The following GTF3C4 variants were observed in gnomAD, a reference collection of about 807,000 sequenced individuals.
GTF3C4 encodes general transcription factor IIIC subunit 4, also known as general transcription factor 3C polypeptide 4.
A neutral mutation model predicts 67.5 loss-of-function variants in GTF3C4; 28 were observed. That is an observed-to-expected ratio of 0.41 (90% CI 0.31 to 0.57). The LOEUF (loss-of-function observed/expected upper bound fraction) is 0.57, where lower values mean the gene tolerates loss of function less well. Among genes scored for constraint, GTF3C4 ranks in the 20% least tolerant of loss-of-function variants. The probability of loss-of-function intolerance (pLI) is 0.21; values close to 1 mark genes in which losing one functional copy is unlikely to be tolerated. For missense variants in GTF3C4, 831 were observed against 1,033.2 expected, an observed-to-expected ratio of 0.80 and a Z score of 2.68; for synonymous variants, 409 against 393.0, an observed-to-expected ratio of 1.04 and a Z score of -0.48.
intron 1 of GTF3C4, among the ~76,000 whole-genome samples, chr9:132,671,385 T>C (rs1464486874): frequency 4.6e-5 from 7 of 152,224 alleles, no homozygotes; most frequent in Non-Finnish European, 8.8e-5. Context: ...CTTTGTCTAC[T>C]GTGTGTGTCC....
At chr9:132,671,740 A>G (rs1028539451) in intron 1 of GTF3C4, among the ~76,000 whole-genome samples, 1 of 152,128 alleles carries the variant, frequency 6.6e-6, no homozygotes, top group Admixed American at 6.5e-5. Flanking sequence ...CATACATTCA[A>G]TAGATATTTG....
Position 132,690,405 on chromosome 9 carries a change from C to G in GTF3C4, c.*1460C>G, listed in dbSNP as rs1836097337. On this transcript the variant is annotated 3_prime_UTR_variant, in exon 5 of 5. Coordinates refer to ENST00000372146, the MANE Select transcript of GTF3C4 (RefSeq NM_012204.4). Reference sequence around the variant, plus strand: ...GCTGCAGTCAGCCGAGGTGGCACCACTGCACTTCAGCCTGGGCAAGACTGG... The same window carrying G: ...GCTGCAGTCAGCCGAGGTGGCACCAGTGCACTTCAGCCTGGGCAAGACTGG... 1.3e-5 allele frequency: 2 copies of G among 152,134 alleles called. No individual in the cohort carries two copies. Among genetic ancestry groups the G allele is most frequent in the African/African-American group, 4.8e-5 (2 of 41,410 alleles). The allele number at this position is 152,134 out of a possible 1,614,324, so 9.4% of individuals were successfully genotyped here.
intron 2 of GTF3C4, among the ~76,000 whole-genome samples, chr9:132,681,039 C>T (rs374284286): frequency 1.1e-4 from 16 of 152,050 alleles, no homozygotes; most frequent in South Asian, 4.1e-4. Flanking sequence ...ACCTGGGAGG[C>T]GAAAGTTGCA....
chr9:132,683,813 G>A, intron 3 of GTF3C4, 120 bp downstream of exon 3: 2 of 946,308 alleles, frequency 2.1e-6, no homozygotes, highest in Non-Finnish European at 3.1e-6. Flanking sequence ...CAATTTGTTG[G>A]AGAAAAGCTG....
chr9:132,680,688 C>T (rs1835926699), intron 2 of GTF3C4, among the ~76,000 whole-genome samples: 1 of 152,228 alleles, frequency 6.6e-6, no homozygotes, highest in Admixed American at 6.5e-5. Context: ...GTTGCACTTT[C>T]TTGTTGGAAA....
In GTF3C4 at chr9:132,673,156, C is replaced by G. The variant is rs538404487; in HGVS notation, c.357+2201C>G. Among the ~76,000 whole-genome samples the G allele has an allele frequency of 3.3e-5, 5 of 152,120 alleles. No individual in the cohort carries two copies. In the South Asian group the frequency reaches 8.3e-4, roughly 25 times the overall value. On this transcript the variant is annotated intron_variant, in intron 1 of 4. Transcript: ENST00000372146. ...CAAGATTGCGCCACTGTACTCCAGC[C>G]TGGGCGACAGAGCCAGACTCCGTCT...
Position 132,679,136 on chromosome 9 carries a change from A to G in GTF3C4, c.1517A>G (p.Lys506Arg). ...ATCAACGGCCTCCACCCTGTTAACA[A>G]AAACTACCAGGTCCAATTTGTTACT... is the stretch of plus-strand genomic sequence containing the variant. ...GMINGLHPVN[K>R]NYQVQFVTLK... Residue 506 changes from lysine (K) to arginine (R), a missense_variant, in exon 2 of 5, where the codon AAA becomes AGA. Lys to Arg is a conservative substitution (Grantham distance 26). Coordinates refer to ENST00000372146, the MANE Select transcript of GTF3C4 (RefSeq NM_012204.4). This position sits in a 1 kb window ranked among gnomAD's most constrained non-coding sequence, Gnocchi z 5.9. 2 of 1,614,182 alleles carry G rather than the reference A, an allele frequency of 1.2e-6. No homozygotes were observed. The highest frequency in any genetic ancestry group is 2.2e-5 in the South Asian group (2 of 91,074).
intron 1 of GTF3C4, among the ~76,000 whole-genome samples, chr9:132,673,129 G>C (rs552251380): frequency 6.6e-6 from 1 of 152,280 alleles, no homozygotes; most frequent in East Asian, 1.9e-4. Context: ...CTTGCTATGA[G>C]CCAAGATTGC....
At chr9:132,676,731 T>G (rs1835870098) in intron 1 of GTF3C4, among the ~76,000 whole-genome samples, 1 of 152,190 alleles carries the variant, frequency 6.6e-6, no homozygotes, top group African/African-American at 2.4e-5. Context: ...GTCTTCCAAG[T>G]GCTTTCTGTG....
At chr9:132,672,840 CAT>C (rs1222127569) in intron 1 of GTF3C4, among the ~76,000 whole-genome samples, 1 of 152,178 alleles carries the variant, frequency 6.6e-6, no homozygotes, top group Non-Finnish European at 1.5e-5. Context: ...ATTAAACACA[CAT>C]AATCACTTGG....
chr9:132,683,622 T>A lies in GTF3C4; in HGVS notation c.2244T>A (p.Ser748Arg). Reference protein sequence around the residue: ...MNKQTFPEHCSLCKEILPFTD... With the variant: ...MNKQTFPEHCRLCKEILPFTD... ...AACAGACTTTCCCTGAGCACTGTAG[T>A]TTGTGTAAAGAGATCTTGCCATTCA... The change falls in exon 3 of 5, where the codon AGT becomes AGA. Residue 748 changes from serine (S) to arginine (R), a missense_variant. By Grantham distance (110) the Ser-to-Arg change is moderately radical. This residue lies in a region of GTF3C4 where 129 missense variants were observed against 213.8 expected (regional missense o/e 0.60). Transcript: ENST00000372146. The A allele has an allele frequency of 6.2e-7, 1 of 1,613,584 alleles. No individual in the cohort carries two copies. Among genetic ancestry groups the A allele is most frequent in the Non-Finnish European group, 8.5e-7 (1 of 1,179,740 alleles).
intron 3 of GTF3C4, among the ~76,000 whole-genome samples, chr9:132,685,544 G>A (rs1836013873): frequency 6.7e-6 from 1 of 149,448 alleles, no homozygotes; most frequent in Non-Finnish European, 1.5e-5. Flanking sequence ...GGGGAGATGA[G>A]GTCTCACTAT....
chr9:132,670,186 T>G, upstream of GTF3C4: 1 of 1,588,710 alleles, frequency 6.3e-7, no homozygotes, highest in Non-Finnish European at 8.6e-7. Flanking sequence ...AAAATTACAT[T>G]CGGCCGAGAG....
At chr9:132,685,482 TG>T (rs773809139) in intron 3 of GTF3C4, among the ~76,000 whole-genome samples, 1 of 152,146 alleles carries the variant, frequency 6.6e-6, no homozygotes, top group Non-Finnish European at 1.5e-5. Flanking sequence ...TATTATAATT[TG>T]TTTTTTTTCC....
At position 132,679,422 on chromosome 9, in the gene GTF3C4, T is replaced by C. The variant is rs1564355962; in HGVS notation, c.1803T>C (p.His601=). Residue 601 remains histidine (H), a synonymous_variant, in exon 2 of 5, where the codon CAT becomes CAC. Coordinates refer to ENST00000372146, the MANE Select transcript of GTF3C4 (RefSeq NM_012204.4). The surrounding 1 kb of genome is among the most constrained non-coding windows in gnomAD (Gnocchi z 5.9). ...CAGAAGCCTTGTGGAAACCCACCCATGAGGACTCAAAAATCTTACTAGTGG... is the reference window on the plus strand; with the variant it reads ...CAGAAGCCTTGTGGAAACCCACCCACGAGGACTCAAAAATCTTACTAGTGG... ...TPSEALWKPT[H]EDSKILLVDS... 1.9e-6 allele frequency: 3 copies of C among 1,614,144 alleles called. No homozygotes were observed. Among genetic ancestry groups the C allele is most frequent in the Non-Finnish European group, 1.7e-6 (2 of 1,180,038 alleles).
chr9:132,671,112 TA>T (rs113954882), intron 1 of GTF3C4, among the ~76,000 whole-genome samples, 157 bp downstream of exon 1: 453 of 142,610 alleles, frequency 3.2e-3, no homozygotes, highest in African/African-American at 4.0e-3. Context: ...TACCACAGCT[TA>T]AAAAAAAAAA....
chr9:132,687,337 T>A lies in GTF3C4; in HGVS notation c.2404+10T>A. On this transcript the variant is annotated intron_variant, in intron 4 of 4. Transcript: ENST00000372146. Reference sequence around the variant, plus strand: ...CATCCAGCTCCAGAAGGTGAGTGCTTTCCCTTACTTGGGAGGGTGGGTGGG... The same window carrying A: ...CATCCAGCTCCAGAAGGTGAGTGCTATCCCTTACTTGGGAGGGTGGGTGGG... 3.4e-6 allele frequency: 2 copies of A among 592,996 alleles called. No homozygotes were observed. The highest frequency in any genetic ancestry group is 6.1e-6 in the Non-Finnish European group (2 of 328,940). The allele number at this position is 592,996 out of a possible 1,614,324, so 36.7% of individuals were successfully genotyped here.
chr9:132,678,373 G>C lies in GTF3C4; in HGVS notation c.754G>C (p.Glu252Gln), dbSNP rs1835893471. Residue 252 changes from glutamate to glutamine, a missense_variant, in exon 2 of 5, where the codon GAG (glutamate) becomes CAG (glutamine). This residue lies in a region of GTF3C4 where 390 missense variants were observed against 540.3 expected (regional missense o/e 0.72). Transcript: ENST00000372146. This position sits in a 1 kb window ranked among gnomAD's most constrained non-coding sequence, Gnocchi z 6.5. ...CAGCATGCAGACCCCAGTCAGAATG[G>C]AGTGGTCGGGCATCTGTACCACCCA... Reference protein sequence around the residue: ...RHSMQTPVRMEWSGICTTQQV... With the variant: ...RHSMQTPVRMQWSGICTTQQV... 1.2e-6 allele frequency: 2 copies of C among 1,614,064 alleles called. No individual in the cohort carries two copies. Among genetic ancestry groups the C allele is most frequent in the East Asian group, 2.2e-5 (1 of 44,894 alleles).
intron 2 of GTF3C4, among the ~76,000 whole-genome samples, chr9:132,683,318 T>G (rs1835976558): frequency 6.6e-6 from 1 of 152,234 alleles, no homozygotes. Flanking sequence ...CAGTTTACCC[T>G]GTTATCACAG....
Sources: gnomAD v4.1 joint callset for allele counts (sites outside exome capture counted in the v4.1 genomes callset) on GRCh38, gnomAD v4.1.1 for gene constraint, gnomAD v4.1.1 regional missense constraint, Gnocchi (gnomAD v3.1) non-coding constraint, MANE v1.5 for transcripts, NCBI Gene and HGNC (gene_info 2026-07-23, HGNC 2026-07-21) for gene names.